CDH20: variants seen among roughly 807,000 people sequenced by gnomAD.
The protein encoded by CDH20 is cadherin-20.
CDH20 carries 29 observed loss-of-function variants against 74.2 expected under a neutral mutation model. That is an observed-to-expected ratio of 0.39 (90% CI 0.29 to 0.53). The LOEUF (loss-of-function observed/expected upper bound fraction) is 0.53. CDH20 is among the 20% of genes least tolerant of loss of function. CDH20 has a pLI of 0.69. For missense variants in CDH20, 988 were observed against 1,048.3 expected (o/e 0.94, Z 0.79); for synonymous variants, 469 against 405.4 (o/e 1.16, Z -1.88).
At chr18:61,384,080 G>C (rs941324090) in intron 1 of CDH20, among the ~76,000 whole-genome samples, 4 of 152,164 alleles carry the variant, frequency 2.6e-5, no homozygotes, top group Non-Finnish European at 5.9e-5. Context: ...GAGAGAAACA[G>C]GGGGTGGTGG....
At chr18:61,412,616 A>T (rs538636482) in intron 1 of CDH20, among the ~76,000 whole-genome samples, 1 of 152,304 alleles carries the variant, frequency 6.6e-6, no homozygotes, top group African/African-American at 2.4e-5. Context: ...AGACACAGTG[A>T]TTCAGCTGAA....
intron 6 of CDH20, among the ~76,000 whole-genome samples, chr18:61,527,390 G>C (rs551335968): frequency 7.5e-6 from 1 of 134,048 alleles, no homozygotes; most frequent in African/African-American, 2.7e-5. Flanking sequence ...TAGATAGATA[G>C]ATAGATAGAT....
chr18:61,459,965 A>C (rs907376620), intron 1 of CDH20, among the ~76,000 whole-genome samples: 23 of 152,218 alleles, frequency 1.5e-4, no homozygotes, highest in Non-Finnish European at 2.8e-4. Context: ...AAAGTGTCCC[A>C]TACTCAATTC....
intron 6 of CDH20, among the ~76,000 whole-genome samples, chr18:61,520,131 A>G (rs1297144133): frequency 6.6e-6 from 1 of 150,378 alleles, no homozygotes; most frequent in Non-Finnish European, 1.5e-5. Flanking sequence ...CCTGGCTAAC[A>G]CGATGAAACC....
chr18:61,436,776 C>T (rs1217622603), intron 1 of CDH20, among the ~76,000 whole-genome samples: 1 of 152,104 alleles, frequency 6.6e-6, no homozygotes, highest in African/African-American at 2.4e-5. Context: ...ACATTCAAGA[C>T]CAGCCTTGGC....
At chr18:61,511,544 T>C (rs909498778) in intron 6 of CDH20, among the ~76,000 whole-genome samples, 1 of 152,126 alleles carries the variant, frequency 6.6e-6, no homozygotes, top group African/African-American at 2.4e-5. Context: ...AAAAGAACTT[T>C]TGGGATTCTC....
intron 1 of CDH20, among the ~76,000 whole-genome samples, chr18:61,370,912 A>G (rs972749407): frequency 1.3e-5 from 2 of 152,106 alleles, no homozygotes; most frequent in Non-Finnish European, 2.9e-5. Flanking sequence ...CATTCTTTTT[A>G]AATAGTGATG....
Position 61,555,171 on chromosome 18 carries a change from CA to C in CDH20, c.*482del. On this transcript the variant is annotated 3_prime_UTR_variant, in exon 12 of 12. Coordinates refer to ENST00000262717, the MANE Select transcript of CDH20 (RefSeq NM_031891.4). The stretch of plus-strand genomic sequence containing the variant: ...ACAGAAACCAACCCACAAGAAAGAA[CA>C]AAAAACTTGTTACTCAGTGAAATTA... The C allele has an allele frequency of 1.0e-6, 1 of 986,644 alleles. No homozygotes were observed. The highest frequency in any genetic ancestry group is 1.2e-6 in the Non-Finnish European group (1 of 832,532). 61.1% of individuals were successfully genotyped at this position (986,644 alleles called of 1,614,324 possible).
rs76375417 is a variant in CDH20, at chr18:61,437,922, G to A, written c.-152-52480G>A. Among the ~76,000 whole-genome samples the A allele has an allele frequency of 2.3e-3, 344 of 152,206 alleles. 4 individuals are homozygous for A. In the East Asian group the frequency reaches 0.039, roughly 17 times the overall value. On this transcript the variant is annotated intron_variant, in intron 1 of 11. Transcript: ENST00000262717. ...TTAAATGATTAATACAGGGAATCTCGAAGTGGAATTGCCTAAATTACTTTC... is the reference window on the plus strand; with the variant it reads ...TTAAATGATTAATACAGGGAATCTCAAAGTGGAATTGCCTAAATTACTTTC...
chr18:61,473,144 T>A (rs1270624934), intron 1 of CDH20, among the ~76,000 whole-genome samples: 1 of 152,260 alleles, frequency 6.6e-6, no homozygotes, highest in Non-Finnish European at 1.5e-5. Flanking sequence ...TAATATGGCA[T>A]CAGCCAGTGA....
chr18:61,418,936 C>T (rs1227498458), intron 1 of CDH20, among the ~76,000 whole-genome samples: 1 of 152,122 alleles, frequency 6.6e-6, no homozygotes, highest in Non-Finnish European at 1.5e-5. Flanking sequence ...TTATCTGCAA[C>T]ATGCTTTTAT....
chr18:61,405,364 T>C (rs759621209), intron 1 of CDH20, among the ~76,000 whole-genome samples: 7 of 152,114 alleles, frequency 4.6e-5, no homozygotes, highest in East Asian at 1.9e-4. Flanking sequence ...AAGTGAAAGA[T>C]GGCTTGAGGC....
At chr18:61,370,918 T>G (rs1911016611) in intron 1 of CDH20, among the ~76,000 whole-genome samples, 1 of 152,088 alleles carries the variant, frequency 6.6e-6, no homozygotes, top group African/African-American at 2.4e-5. Context: ...TTTTAAATAG[T>G]GATGGCATTT....
At chr18:61,343,687 T>G (rs1461460670) in intron 1 of CDH20, among the ~76,000 whole-genome samples, 2 of 152,150 alleles carry the variant, frequency 1.3e-5, no homozygotes, top group Non-Finnish European at 2.9e-5. Flanking sequence ...TGTTTGAAAG[T>G]CTTCAAAATA....
At chr18:61,545,802 G>GCTTT (rs1913229526) in intron 10 of CDH20, among the ~76,000 whole-genome samples, 1 of 152,156 alleles carries the variant, frequency 6.6e-6, no homozygotes, top group Admixed American at 6.5e-5. Context: ...CACTGAAACA[G>GCTTT]CTTTATTACT....
At chr18:61,540,500 G>GC (rs1912993191) in intron 9 of CDH20, among the ~76,000 whole-genome samples, 1 of 152,130 alleles carries the variant, frequency 6.6e-6, no homozygotes, top group Non-Finnish European at 1.5e-5. Flanking sequence ...ATGGCAGCAG[G>GC]CAAGACAGAC....
chr18:61,347,376 C>T (rs944365486), intron 1 of CDH20, among the ~76,000 whole-genome samples: 3 of 141,416 alleles, frequency 2.1e-5, no homozygotes, highest in African/African-American at 2.7e-5. Flanking sequence ...AAAAATTAGC[C>T]GGGTGTGGTA....
chr18:61,446,310 G>A (rs1391039884), intron 1 of CDH20, among the ~76,000 whole-genome samples: 1 of 152,122 alleles, frequency 6.6e-6, no homozygotes, highest in African/African-American at 2.4e-5. Flanking sequence ...AACCGCATCA[G>A]CATCACTGAA....
intron 11 of CDH20, among the ~76,000 whole-genome samples, chr18:61,551,763 T>TCAAG (rs1449610938): frequency 6.6e-6 from 1 of 152,276 alleles, no homozygotes; most frequent in African/African-American, 2.4e-5. Flanking sequence ...TGAAGAAACT[T>TCAAG]GTTCCTGGGA....
Sources: gnomAD v4.1 joint callset for allele counts (sites outside exome capture counted in the v4.1 genomes callset) on GRCh38, gnomAD v4.1.1 for gene constraint, MANE v1.5 for transcripts, NCBI Gene and HGNC (gene_info 2026-07-23, HGNC 2026-07-21) for gene names.